Variants in FGA observed in about 807,000 individuals in gnomAD.
FGA encodes fibrinogen, A alpha polypeptide.
In FGA, 20 loss-of-function variants were observed where a neutral mutation model predicts 20.3. The observed-to-expected ratio is 0.99, with a 90% CI of 0.69 to 1.43. The LOEUF is 1.43. Among genes scored for constraint, FGA ranks in the 40% most tolerant of loss-of-function variants. The pLI is 0.00. For synonymous variants in FGA, 306 were observed against 281.6 expected, an observed-to-expected ratio of 1.09 and a Z score of -0.87; for missense variants, 777 against 784.7, an observed-to-expected ratio of 0.99 and a Z score of 0.12.
Position 154,586,269 on chromosome 4 carries a change from T to C in FGA, c.1160A>G (p.His387Arg). 1 of 1,614,094 alleles carries C rather than the reference T, an allele frequency of 6.2e-7. No homozygotes were observed. The highest frequency in any genetic ancestry group is 8.5e-7 in the Non-Finnish European group (1 of 1,179,974). ...TGGCCTAAAACTTCCAGATTCAGAG[T>C]GCCATTGTCCAGTACTACCAGATAC... ...SSVSGSTGQW[H>R]SESGSFRPDS... is the part of the protein sequence containing the mutation. The change falls in exon 5 of 5, where the codon CAC becomes CGC. Residue 387 changes from histidine (H) to arginine (R), a missense_variant. His to Arg is a conservative substitution (Grantham distance 29). Coordinates refer to ENST00000403106, the MANE Select transcript of FGA (RefSeq NM_021871.4).
downstream of FGA, chr4:154,584,707 A>G (rs372547759): frequency 5.9e-5 from 95 of 1,614,016 alleles, no homozygotes; most frequent in Non-Finnish European, 7.5e-5. Context: ...CTGGATCAAA[A>G]GCCATCCTCC....
chr4:154,586,805 A>C lies in FGA; in HGVS notation c.624T>G (p.Ile208Met). 2 of 1,614,164 alleles carry C rather than the reference A, an allele frequency of 1.2e-6. No individual in the cohort carries two copies. Among genetic ancestry groups the C allele is most frequent in the Non-Finnish European group, 1.7e-6 (2 of 1,180,022 alleles). Residue 208 changes from isoleucine (I) to methionine (M), a missense_variant, in exon 5 of 5, where the codon ATT becomes ATG. Physicochemically the swap from Ile to Met is conservative, Grantham distance 10 (BLOSUM62 1). Coordinates refer to ENST00000403106, the MANE Select transcript of FGA (RefSeq NM_021871.4). The stretch of plus-strand genomic sequence containing the variant: ...CTCTAGAGGGAAGTAAGTCTTTGGC[A>C]ATGACCTGTTCAAGTTGCTTCTGCT... Reference protein sequence around the residue: ...EDQQKQLEQVIAKDLLPSRDR... With the variant: ...EDQQKQLEQVMAKDLLPSRDR...
chr4:154,586,018 C>CA lies in FGA; in HGVS notation c.1410dup (p.Gly471TrpfsTer3), dbSNP rs771210441. The CA allele has an allele frequency of 6.2e-7, 1 of 1,614,156 alleles. No individual in the cohort carries two copies. On this transcript the variant is annotated frameshift_variant, in exon 5 of 5. Transcript: ENST00000403106. LOFTEE classifies it low-confidence loss of function (END_TRUNC). ...GTAACTTCTTTGTGACCATCAGGAC[C>CA]AATAACAGTCTTAGTAACGGTTTTA...
rs1332288665 is a variant in FGA, at chr4:154,585,338, TAC to T, written c.*154_*155del. 48 of 1,138,134 alleles carry T rather than the reference TAC, an allele frequency of 4.2e-5. No individual in the cohort carries two copies. The highest frequency in any genetic ancestry group is 5.4e-5 in the Non-Finnish European group (44 of 819,572). 70.5% of individuals were successfully genotyped at this position (1,138,134 alleles called of 1,614,324 possible). A position where few individuals can be genotyped will look rare whatever the true frequency, so the allele number is the denominator to read the frequency against. On this transcript the variant is annotated 3_prime_UTR_variant, in exon 5 of 5. Coordinates refer to ENST00000403106, the MANE Select transcript of FGA (RefSeq NM_021871.4). ...CTCTGTACTGTTAGGCATTTGGGAA[TAC>T]AGAGATGAGACAGACAAAGGCCCTG...
intron 4 of FGA, 42 bp downstream of exon 4, chr4:154,587,470 A>G (rs1447595418): frequency 3.2e-6 from 5 of 1,586,270 alleles, no homozygotes; most frequent in Non-Finnish European, 4.3e-6. Context: ...TTTTCCCTCT[A>G]CTCAGAAACA....
chr4:154,585,599 T>A lies in FGA; in HGVS notation c.1830A>T (p.Glu610Asp). 6.2e-7 allele frequency: 1 copy of A among 1,614,196 alleles called. No homozygotes were observed. Among genetic ancestry groups the A allele is most frequent in the Non-Finnish European group, 8.5e-7 (1 of 1,180,022 alleles). Residue 610 changes from glutamate (E) to aspartate (D), a missense_variant, in exon 5 of 5, where the codon GAA (glutamate) becomes GAT (aspartate). Transcript: ENST00000403106. ...SYKMADEAGS[E>D]ADHEGTHSTK... The stretch of plus-strand genomic sequence containing the variant: ...TGCTATGTGTTCCTTCATGATCGGC[T>A]TCACTTCCGGCCTCATCTGCCATTT...
In FGA at chr4:154,587,924, C is replaced by G. The variant is rs1454851174; in HGVS notation, c.365-267G>C. Among the ~76,000 whole-genome samples, 3 of 152,152 alleles carry G rather than the reference C, an allele frequency of 2.0e-5. No individual in the cohort carries two copies. The East Asian group carries it at 5.8e-4, about 29-fold the overall frequency. On this transcript the variant is annotated intron_variant, in intron 3 of 4. Coordinates refer to ENST00000403106, the MANE Select transcript of FGA (RefSeq NM_021871.4). ...TTTTGGATAATGTTATGCCCTGCAG[C>G]CTTCCATGAATGCCAGTTAAGATGT...
At position 154,585,699 on chromosome 4, in the gene FGA, G is replaced by C. The variant is rs750277272; in HGVS notation, c.1730C>G (p.Ser577Ter). The C allele has an allele frequency of 2.5e-6, 4 of 1,614,160 alleles. No individual in the cohort carries two copies. The highest frequency in any genetic ancestry group is 3.4e-6 in the Non-Finnish European group (4 of 1,180,016). The change falls in exon 5 of 5, where the codon TCA becomes TGA. Residue 577 changes from serine to a stop codon, truncating the protein, a stop_gained. Transcript: ENST00000403106. LOFTEE classifies it low-confidence loss of function (END_TRUNC). The part of the protein sequence containing the change: ...IAEFPSRGKS[S>*]SYSKQFTSST... ...ACTAGTAAATTGTTTGCTGTAACTTGAAGATTTACCACGGGAAGGGAATTC... is the reference window on the plus strand; with the variant it reads ...ACTAGTAAATTGTTTGCTGTAACTTCAAGATTTACCACGGGAAGGGAATTC...
intron 3 of FGA, 90 bp from the exon 4 acceptor site, chr4:154,587,747 G>GAAAGAAAGA (rs1730766135): frequency 5.7e-6 from 1 of 174,236 alleles, no homozygotes; most frequent in Non-Finnish European, 1.2e-5. Flanking sequence ...GAAGGAAGGA[G>GAAAGAAAGA]AAAGAAAGAA....
intron 3 of FGA, among the ~76,000 whole-genome samples, chr4:154,588,196 A>G (rs999105635): frequency 6.6e-6 from 1 of 152,166 alleles, no homozygotes; most frequent in Admixed American, 6.5e-5. Context: ...CTAGTGTTGC[A>G]TCACTGATTT....
At chr4:154,587,751 GAAAGA>G (rs1560826722) in intron 3 of FGA, 94 bp from the exon 4 acceptor site, 2 of 305,840 alleles carry the variant, frequency 6.5e-6, no homozygotes, top group African/African-American at 5.8e-5. Context: ...GAAGGAGAAA[GAAAGA>G]AAGAAAGAAA....
Position 154,585,534 on chromosome 4 carries a change from A to C in FGA, c.1895T>G (p.Ile632Ser), listed in dbSNP as rs747439072. The C allele has an allele frequency of 6.2e-7, 1 of 1,613,758 alleles. No individual in the cohort carries two copies. Among genetic ancestry groups the C allele is most frequent in the South Asian group, 1.1e-5 (1 of 91,062 alleles). The change falls in exon 5 of 5, where the codon ATC (isoleucine) becomes AGC (serine). Residue 632 changes from isoleucine to serine, a missense_variant. Coordinates refer to ENST00000403106, the MANE Select transcript of FGA (RefSeq NM_021871.4). ...AGGCTTCCCCAAAGGAGAAGTGTGG[A>C]TACCTCTGACAGGGCGAGATTTAGC... is the stretch of plus-strand genomic sequence containing the variant. ...GHAKSRPVRG[I>S]HTSPLGKPSL... is the part of the protein sequence containing the mutation.
At position 154,585,362 on chromosome 4, in the gene FGA, C is replaced by T. The variant is rs1176321971; in HGVS notation, c.*132G>A. The T allele has an allele frequency of 9.4e-7, 1 of 1,068,614 alleles. No individual in the cohort carries two copies. Among genetic ancestry groups the T allele is most frequent in the East Asian group, 2.6e-5 (1 of 38,326 alleles). 66.2% of individuals were successfully genotyped at this position (1,068,614 alleles called of 1,614,324 possible). The stretch of plus-strand genomic sequence containing the variant: ...ATACAGAGATGAGACAGACAAAGGC[C>T]CTGCCCCCAAGGAACTTACAGTCTA... On this transcript the variant is annotated 3_prime_UTR_variant, in exon 5 of 5. Transcript: ENST00000403106.
In FGA at chr4:154,586,625, C is replaced by T. The variant is rs192630966; in HGVS notation, c.804G>A (p.Glu268=). ...RMELERPGGN[E]ITRGGSTSYG... is the part of the protein sequence containing the mutation. ...AAGAGGTGGAGCCTCCTCGAGTAAT[C>T]TCATTTCCACCAGGTCTCTCTAACT... The change falls in exon 5 of 5, where the codon GAG becomes GAA. Residue 268 remains glutamate, a synonymous_variant. Transcript: ENST00000403106. 5.0e-6 allele frequency: 8 copies of T among 1,614,012 alleles called. No individual in the cohort carries two copies. The highest frequency in any genetic ancestry group is 1.7e-5 in the Admixed American group (1 of 59,976).
At chr4:154,584,358 G>A (rs1446972493), downstream of FGA, 2 of 1,613,984 alleles carry the variant, frequency 1.2e-6, no homozygotes, top group African/African-American at 2.7e-5. Flanking sequence ...CTGCATCCCT[G>A]TCAAAGGTGC....
chr4:154,584,563 C>A (rs1282209627), downstream of FGA: 6 of 1,614,006 alleles, frequency 3.7e-6, no homozygotes, highest in East Asian at 2.2e-5. Context: ...AAGAACAGAG[C>A]CCCTTTGGGT....
chr4:154,584,858 G>A (rs771646257), downstream of FGA: 14 of 1,536,506 alleles, frequency 9.1e-6, no homozygotes, highest in Admixed American at 2.3e-4. Flanking sequence ...AAGCTGGTTG[G>A]AAGAAGTTAT....
Position 154,588,798 on chromosome 4 carries a change from G to T in FGA, c.359C>A (p.Ala120Asp). The T allele has an allele frequency of 6.2e-7, 1 of 1,605,068 alleles. No homozygotes were observed. The highest frequency in any genetic ancestry group is 8.5e-7 in the Non-Finnish European group (1 of 1,173,418). ...AGTAAATATGTAATACTTACTATTGGCTGAGGAAAAATCGCCTCTCAAAAT... is the reference window on the plus strand; with the variant it reads ...AGTAAATATGTAATACTTACTATTGTCTGAGGAAAAATCGCCTCTCAAAAT... ...MEILRGDFSSANNRDNTYNRV... is the reference protein window; with the variant it reads ...MEILRGDFSSDNNRDNTYNRV... The change falls in exon 3 of 5, where the codon GCC becomes GAC. Residue 120 changes from alanine (A) to aspartate (D), a missense_variant. By Grantham distance (126) the Ala-to-Asp change is moderately radical. Coordinates refer to ENST00000403106, the MANE Select transcript of FGA (RefSeq NM_021871.4).
rs775873770 is a variant in FGA, at chr4:154,585,929, C to A, written c.1500G>T (p.Leu500Phe). ...DCPEAMDLGT[L>F]SGIGTLDGFR... is the part of the protein sequence containing the mutation. ...ACCCATCCAGAGTACCTATGCCAGA[C>A]AATGTGCCTAAATCCATTGCCTCGG... The change falls in exon 5 of 5, where the codon TTG (leucine) becomes TTT (phenylalanine). Residue 500 changes from leucine (L) to phenylalanine (F), a missense_variant. Transcript: ENST00000403106. 6.2e-7 allele frequency: 1 copy of A among 1,614,134 alleles called. No homozygotes were observed.
Sources: allele counts gnomAD v4.1 joint callset (sites outside exome capture counted in the v4.1 genomes callset), GRCh38; gene constraint gnomAD v4.1.1; transcripts MANE v1.5; gene names NCBI Gene and HGNC (gene_info 2026-07-23, HGNC 2026-07-21).